Variants in C5AR2 observed in about 807,000 individuals in gnomAD.
C5AR2 encodes the protein C5a anaphylatoxin chemotactic receptor 2.
For synonymous variants in C5AR2, 224 were observed against 216.5 expected (o/e 1.03, Z -0.30); for missense variants, 458 against 467.5 (o/e 0.98, Z 0.19).
In C5AR2 at chr19:47,341,388, G is replaced by A. The variant is rs780213113; in HGVS notation, c.589G>A (p.Glu197Lys). The A allele has an allele frequency of 1.1e-4, 180 of 1,612,340 alleles. No individual in the cohort carries two copies. Among genetic ancestry groups the A allele is most frequent in the Non-Finnish European group, 1.4e-4 (164 of 1,179,904 alleles). ...VVDYGGSSST[E>K]NAVTAIRFLF... Reference sequence around the variant, plus strand: ...GGACTACGGCGGCTCCTCCAGCACCGAGAATGCGGTGACTGCCATCCGGTT... The same window carrying A: ...GGACTACGGCGGCTCCTCCAGCACCAAGAATGCGGTGACTGCCATCCGGTT... Residue 197 changes from glutamate to lysine, a missense_variant, in exon 2 of 2, where the codon GAG (glutamate) becomes AAG (lysine). Physicochemically the swap from Glu to Lys is moderately conservative, Grantham distance 56. Transcript: ENST00000595464. The surrounding 1 kb of genome is among the most constrained non-coding windows in gnomAD (Gnocchi z 4.6).
In C5AR2 at chr19:47,342,760, G is replaced by A. The variant is rs1406991490; in HGVS notation, c.*947G>A. 3 of 152,344 alleles carry A rather than the reference G, an allele frequency of 2.0e-5. No individual in the cohort carries two copies. The highest frequency in any genetic ancestry group is 7.2e-5 in the African/African-American group (3 of 41,520). 9.4% of individuals were successfully genotyped at this position (152,344 alleles called of 1,614,324 possible). On this transcript the variant is annotated 3_prime_UTR_variant, in exon 2 of 2. Transcript: ENST00000595464. ...GGGGCAGTGAAGATCCCAGAGAGGA[G>A]GCTACTGTAATGGTCCAAGCAGGAG...
intron 1 of C5AR2, among the ~76,000 whole-genome samples, chr19:47,339,835 C>G (rs959832705): frequency 1.7e-4 from 26 of 152,198 alleles, no homozygotes; most frequent in Non-Finnish European, 1.2e-4. Flanking sequence ...TCTCAAGAAG[C>G]CTTCCCTGAC....
rs34783812 is a variant in C5AR2 at position 47,345,358 on chromosome 19, C to CTTTT, written c.*3565_*3568dup. 77 of 111,092 alleles carry CTTTT rather than the reference C, an allele frequency of 6.9e-4. No individual in the cohort carries two copies. The highest frequency in any genetic ancestry group is 1.1e-3 in the East Asian group (4 of 3,776). 6.9% of individuals were successfully genotyped at this position (111,092 alleles called of 1,614,324 possible). A position where few individuals can be genotyped will look rare whatever the true frequency, so the allele number is the denominator to read the frequency against. Reference sequence around the variant, plus strand: ...GCTCAGTCAGAAAGCACTGGTATCACTTTTTTTTTTTTTTTTTTTTTTTGA... The same window carrying CTTTT: ...GCTCAGTCAGAAAGCACTGGTATCACTTTTTTTTTTTTTTTTTTTTTTTTTTTGA... On this transcript the variant is annotated 3_prime_UTR_variant, in exon 2 of 2. Coordinates refer to ENST00000595464, the MANE Select transcript of C5AR2 (RefSeq NM_001271749.2).
chr19:47,333,127 G>A (rs1387886154), intron 1 of C5AR2, among the ~76,000 whole-genome samples: 1 of 151,388 alleles, frequency 6.6e-6, no homozygotes, highest in Non-Finnish European at 1.5e-5. Context: ...GCCCCAGCCT[G>A]CTGAGTAGCT....
chr19:47,340,675 C>G, intron 1 of C5AR2, 110 bp from the exon 2 acceptor site: 1 of 967,244 alleles, frequency 1.0e-6, no homozygotes, highest in South Asian at 1.3e-5. Flanking sequence ...CCTTATGACG[C>G]AATATTCCAG....
chr19:47,339,647 C>G (rs191630858), intron 1 of C5AR2, among the ~76,000 whole-genome samples: 4 of 152,150 alleles, frequency 2.6e-5, no homozygotes, highest in African/African-American at 7.2e-5. Context: ...CTCTCACCCT[C>G]TCCCTCTGGC....
intron 1 of C5AR2, among the ~76,000 whole-genome samples, chr19:47,334,696 AC>A (rs2059350829): frequency 7.1e-6 from 1 of 141,244 alleles, no homozygotes; most frequent in Non-Finnish European, 1.5e-5. Context: ...TGGATTTAAT[AC>A]ACCTAGCTTA....
At chr19:47,339,765 C>G (rs35053131) in intron 1 of C5AR2, among the ~76,000 whole-genome samples, 5,283 of 152,206 alleles carry the variant, frequency 0.035, 138 homozygotes, top group Non-Finnish European at 0.054. Flanking sequence ...AAACACTCTT[C>G]CCCCAGATCT....
intron 1 of C5AR2, among the ~76,000 whole-genome samples, chr19:47,334,552 G>A (rs1328832766): frequency 2.0e-5 from 3 of 152,038 alleles, no homozygotes; most frequent in African/African-American, 7.2e-5. Flanking sequence ...AGGATCAGTT[G>A]AGCCTAGGAG....
At position 47,341,459 on chromosome 19, in the gene C5AR2, C is replaced by T; in HGVS notation, c.660C>T (p.His220=). 3 of 1,612,034 alleles carry T rather than the reference C, an allele frequency of 1.9e-6. No homozygotes were observed. Among genetic ancestry groups the T allele is most frequent in the Non-Finnish European group, 2.5e-6 (3 of 1,179,912 alleles). The change falls in exon 2 of 2, where the codon CAC becomes CAT. Residue 220 remains histidine, a synonymous_variant. Transcript: ENST00000595464. This position sits in a 1 kb window ranked among gnomAD's most constrained non-coding sequence, Gnocchi z 4.6. Reference sequence around the variant, plus strand: ...CCCTGGTGGCCGTGGCCAGCTGCCACAGTGCCCTCCTGTGCTGGGCAGCCC... The same window carrying T: ...CCCTGGTGGCCGTGGCCAGCTGCCATAGTGCCCTCCTGTGCTGGGCAGCCC... The part of the protein sequence containing the change: ...LGPLVAVASC[H]SALLCWAARR...
chr19:47,337,482 T>G (rs2059362716), intron 1 of C5AR2, among the ~76,000 whole-genome samples: 1 of 151,874 alleles, frequency 6.6e-6, no homozygotes, highest in South Asian at 2.1e-4. Flanking sequence ...GCCAATATGA[T>G]GAAACCCCGT....
rs1007482416 is a variant in C5AR2 at position 47,342,500 on chromosome 19, A to T, written c.*687A>T. ...TGAGTTCACGCCATTCTCCTGCCTC[A>T]GCCTCCTGAGTAGCTGGGACTACAG... On this transcript the variant is annotated 3_prime_UTR_variant, in exon 2 of 2. Transcript: ENST00000595464. The T allele has an allele frequency of 6.6e-6, 1 of 151,234 alleles. No homozygotes were observed. The highest frequency in any genetic ancestry group is 2.4e-5 in the African/African-American group (1 of 41,218). 9.4% of individuals were successfully genotyped at this position (151,234 alleles called of 1,614,324 possible).
At position 47,341,223 on chromosome 19, in the gene C5AR2, T is replaced by G. The variant is rs749910228; in HGVS notation, c.424T>G (p.Trp142Gly). 3 of 1,601,638 alleles carry G rather than the reference T, an allele frequency of 1.9e-6. No homozygotes were observed. In the Admixed American group the frequency reaches 5.0e-5, roughly 27 times the overall value. The change falls in exon 2 of 2, where the codon TGG (tryptophan) becomes GGG (glycine). Residue 142 changes from tryptophan to glycine, a missense_variant. Trp to Gly is a radical substitution (Grantham distance 184). Coordinates refer to ENST00000595464, the MANE Select transcript of C5AR2 (RefSeq NM_001271749.2). The surrounding 1 kb of genome is among the most constrained non-coding windows in gnomAD (Gnocchi z 4.6). ...CTTCCTGGCTCTCGGGCCTGCCTGG[T>G]GGTCTACGGTTCAGCGGGCGTGCGG... ...LCFLALGPAWWSTVQRACGVQ... is the reference protein window; with the variant it reads ...LCFLALGPAWGSTVQRACGVQ...
At chr19:47,339,618 CT>C (rs943047834) in intron 1 of C5AR2, among the ~76,000 whole-genome samples, 3 of 152,150 alleles carry the variant, frequency 2.0e-5, no homozygotes, top group Admixed American at 6.6e-5. Context: ...TGCCCGGCCC[CT>C]GATGACTCTG....
chr19:47,334,603 G>A (rs1218936055), intron 1 of C5AR2, among the ~76,000 whole-genome samples: 3 of 152,112 alleles, frequency 2.0e-5, no homozygotes, highest in Non-Finnish European at 4.4e-5. Context: ...ACTGAACTCA[G>A]CTTGGGTGAC....
At chr19:47,333,940 A>G (rs1039253019) in intron 1 of C5AR2, among the ~76,000 whole-genome samples, 2 of 152,142 alleles carry the variant, frequency 1.3e-5, no homozygotes, top group Non-Finnish European at 1.5e-5. Flanking sequence ...GACTGGATGC[A>G]CAGACAGGCG....
intron 1 of C5AR2, among the ~76,000 whole-genome samples, chr19:47,338,679 A>ATAATAATAT: frequency 6.8e-6 from 1 of 147,020 alleles, no homozygotes; most frequent in Non-Finnish European, 1.5e-5. Flanking sequence ...AATAATAATA[A>ATAATAATAT]TAATAATAAT....
chr19:47,339,686 T>C (rs549404822), intron 1 of C5AR2, among the ~76,000 whole-genome samples: 1 of 152,152 alleles, frequency 6.6e-6, no homozygotes, highest in Non-Finnish European at 1.5e-5. Flanking sequence ...ACTGGGCTCC[T>C]TGCTGTTCTT....
chr19:47,338,726 T>G (rs2059369874), intron 1 of C5AR2, among the ~76,000 whole-genome samples: 1 of 149,740 alleles, frequency 6.7e-6, no homozygotes, highest in Admixed American at 6.7e-5. Context: ...TAGTCCTAGC[T>G]ACTTGGGAGG....
Sources: gnomAD v4.1 joint callset for allele counts (sites outside exome capture counted in the v4.1 genomes callset) on GRCh38, gnomAD v4.1.1 for gene constraint, Gnocchi (gnomAD v3.1) non-coding constraint, MANE v1.5 for transcripts, NCBI Gene and HGNC (gene_info 2026-07-23, HGNC 2026-07-21) for gene names.